The following CDX1 variants were observed in gnomAD, a reference collection of about 807,000 sequenced individuals.
CDX1 encodes homeobox protein CDX-1.
CDX1 carries 9 observed loss-of-function variants against 16.9 expected under a neutral mutation model. The observed-to-expected ratio is 0.53, with a 90% CI of 0.32 to 0.93. The LOEUF (loss-of-function observed/expected upper bound fraction) is 0.93. Among genes scored for constraint, CDX1 ranks in the 40% least tolerant of loss-of-function variants. The pLI is 0.04. For synonymous variants in CDX1, 179 were observed against 179.0 expected (o/e 1.00, Z 0.00); for missense variants, 393 against 386.1 (o/e 1.02, Z -0.15).
intron 1 of CDX1, among the ~76,000 whole-genome samples, chr5:150,179,689 TA>T (rs1326582541): frequency 6.6e-6 from 1 of 152,228 alleles, no homozygotes; most frequent in Non-Finnish European, 1.5e-5. Flanking sequence ...CCTCATGCCC[TA>T]CCTCAGGCCT....
intron 1 of CDX1, among the ~76,000 whole-genome samples, chr5:150,176,219 C>G (rs964768157): frequency 2.0e-5 from 3 of 152,240 alleles, no homozygotes; most frequent in African/African-American, 7.2e-5. Flanking sequence ...CAAGTATTAT[C>G]TGGGGTGAGA....
intron 1 of CDX1, among the ~76,000 whole-genome samples, chr5:150,172,436 T>G (rs191084035): frequency 6.6e-6 from 1 of 152,172 alleles, no homozygotes; most frequent in East Asian, 1.9e-4. Context: ...GTATACTCAT[T>G]TTATAGATCA....
At chr5:150,173,185 A>G (rs1761528810) in intron 1 of CDX1, among the ~76,000 whole-genome samples, 1 of 152,168 alleles carries the variant, frequency 6.6e-6, no homozygotes, top group Non-Finnish European at 1.5e-5. Context: ...TGGCCTCTCC[A>G]GCCCCATCTT....
chr5:150,183,700 G>A lies in CDX1; in HGVS notation c.*20G>A, dbSNP rs145345944. On this transcript the variant is annotated 3_prime_UTR_variant, in exon 3 of 3. Coordinates refer to ENST00000231656, the MANE Select transcript of CDX1 (RefSeq NM_001804.3). ...CCATAGCCCCATGCCCAGCCTGTGCGCCGGGGGACCTGGGGACTCGGGTGC... is the reference window on the plus strand; with the variant it reads ...CCATAGCCCCATGCCCAGCCTGTGCACCGGGGGACCTGGGGACTCGGGTGC... 302 of 1,515,344 alleles carry A rather than the reference G, an allele frequency of 2.0e-4. 1 individual carries two copies. The highest frequency in any genetic ancestry group is 2.1e-4 in the Non-Finnish European group (231 of 1,126,810). The allele number at this position is 1,515,344 out of a possible 1,614,324, so 93.9% of individuals were successfully genotyped here.
chr5:150,167,194 G>A lies in CDX1; in HGVS notation c.318G>A (p.Gly106=). The A allele has an allele frequency of 7.9e-7, 1 of 1,269,330 alleles. No homozygotes were observed. Among genetic ancestry groups the A allele is most frequent in the Non-Finnish European group, 9.9e-7 (1 of 1,012,840 alleles). The allele number at this position is 1,269,330 out of a possible 1,614,324, so 78.6% of individuals were successfully genotyped here. A position where few individuals can be genotyped will look rare whatever the true frequency, so the allele number is the denominator to read the frequency against. Residue 106 remains glycine, a synonymous_variant, in exon 1 of 3, where the codon GGG becomes GGA. Transcript: ENST00000231656. Reference sequence around the variant, plus strand: ...TTAGCCCGGTGCCGGCGCCCCCTGGGCCCGGCCCGGGCCTCCTGGCGCAGC... The same window carrying A: ...TTAGCCCGGTGCCGGCGCCCCCTGGACCCGGCCCGGGCCTCCTGGCGCAGC... ...PDFSPVPAPP[G]PGPGLLAQPL...
chr5:150,171,056 T>C (rs1021448510), intron 1 of CDX1, among the ~76,000 whole-genome samples: 2 of 152,136 alleles, frequency 1.3e-5, no homozygotes, highest in African/African-American at 4.8e-5. Flanking sequence ...GATGAGACTG[T>C]GGGAGCAAGG....
intron 1 of CDX1, among the ~76,000 whole-genome samples, chr5:150,175,525 C>T (rs1266816290): frequency 1.3e-5 from 2 of 152,228 alleles, no homozygotes; most frequent in African/African-American, 2.4e-5. Context: ...CTGGCCTGGC[C>T]ATTGTCCCCC....
At chr5:150,182,651 C>T in intron 1 of CDX1, 117 bp from the exon 2 acceptor site, 1 of 954,740 alleles carries the variant, frequency 1.0e-6, no homozygotes, top group East Asian at 2.7e-5. Flanking sequence ...CTCTCCCCAC[C>T]TCAGGGTCCT....
chr5:150,167,229 GC>G lies in CDX1; in HGVS notation c.356del (p.Pro119ArgfsTer80). The G allele has an allele frequency of 7.9e-7, 1 of 1,261,214 alleles. No individual in the cohort carries two copies. 78.1% of individuals were successfully genotyped at this position (1,261,214 alleles called of 1,614,324 possible). On this transcript the variant is annotated frameshift_variant, in exon 1 of 3. Coordinates refer to ENST00000231656, the MANE Select transcript of CDX1 (RefSeq NM_001804.3). LOFTEE classifies it high-confidence loss of function. The part of the protein sequence containing the change: ...GPGLLAQPLG[G>X]PGTPSSPGAQ... ...GGCCTCCTGGCGCAGCCCCTCGGGG[GC>G]CCGGGCACACCGTCCTCGCCCGGAG...
At chr5:150,181,334 C>G (rs992389448) in intron 1 of CDX1, among the ~76,000 whole-genome samples, 1 of 152,202 alleles carries the variant, frequency 6.6e-6, no homozygotes, top group Non-Finnish European at 1.5e-5. Context: ...GTGGTGTAAT[C>G]CTGGCTCACC....
At chr5:150,168,810 G>A (rs1356493691) in intron 1 of CDX1, among the ~76,000 whole-genome samples, 2 of 152,246 alleles carry the variant, frequency 1.3e-5, no homozygotes, top group Admixed American at 6.5e-5. Flanking sequence ...TGAAATTAGA[G>A]AGAAGGGAGA....
At chr5:150,176,443 G>A (rs1408934157) in intron 1 of CDX1, among the ~76,000 whole-genome samples, 4 of 152,190 alleles carry the variant, frequency 2.6e-5, no homozygotes, top group Non-Finnish European at 5.9e-5. Context: ...TCCTAGGCTG[G>A]CATCACAGAC....
chr5:150,175,973 G>C (rs1761564693), intron 1 of CDX1, among the ~76,000 whole-genome samples: 1 of 152,186 alleles, frequency 6.6e-6, no homozygotes, highest in South Asian at 2.1e-4. Flanking sequence ...CTGTTCCCCA[G>C]GCAGGGGAAG....
In CDX1 at chr5:150,166,823, G is replaced by T; in HGVS notation, c.-54G>T. On this transcript the variant is annotated 5_prime_UTR_variant, in exon 1 of 3. Transcript: ENST00000231656. ...GTGAGCGGTTGCTCGTCGTCGGGGCGGCCGGCAGCGGCGGCTCCAGGGCCC... is the reference window on the plus strand; with the variant it reads ...GTGAGCGGTTGCTCGTCGTCGGGGCTGCCGGCAGCGGCGGCTCCAGGGCCC... 7.8e-7 allele frequency: 1 copy of T among 1,283,868 alleles called. No individual in the cohort carries two copies. Among genetic ancestry groups the T allele is most frequent in the Non-Finnish European group, 1.0e-6 (1 of 984,030 alleles). The allele number at this position is 1,283,868 out of a possible 1,614,324, so 79.5% of individuals were successfully genotyped here. A position where few individuals can be genotyped will look rare whatever the true frequency, so the allele number is the denominator to read the frequency against.
intron 1 of CDX1, among the ~76,000 whole-genome samples, chr5:150,180,126 G>C (rs944157159): frequency 6.6e-6 from 1 of 152,254 alleles, no homozygotes; most frequent in African/African-American, 2.4e-5. Context: ...ACCGCTTCCA[G>C]CTTTAGCCCA....
Position 150,182,863 on chromosome 5 carries a change from A to G in CDX1, c.541A>G (p.Ile181Val). Residue 181 changes from isoleucine to valine, a missense_variant, in exon 2 of 3, where the codon ATC becomes GTC. Transcript: ENST00000231656. ...KEFHYSRYITIRRKSELAANL... is the reference protein window; with the variant it reads ...KEFHYSRYITVRRKSELAANL... ...GTTTCATTACAGCCGTTACATCACAATCCGGCGGAAATCAGAGCTGGCTGC... is the reference window on the plus strand; with the variant it reads ...GTTTCATTACAGCCGTTACATCACAGTCCGGCGGAAATCAGAGCTGGCTGC... 3 of 1,613,466 alleles carry G rather than the reference A, an allele frequency of 1.9e-6. No homozygotes were observed. Among genetic ancestry groups the G allele is most frequent in the East Asian group, 2.2e-5 (1 of 44,814 alleles).
At chr5:150,180,895 G>T (rs889153470) in intron 1 of CDX1, among the ~76,000 whole-genome samples, 1 of 152,120 alleles carries the variant, frequency 6.6e-6, no homozygotes, top group Non-Finnish European at 1.5e-5. Context: ...TGGGCCCCAG[G>T]CTGAGCCTCA....
chr5:150,171,930 C>T (rs957137717), intron 1 of CDX1, among the ~76,000 whole-genome samples: 5 of 152,224 alleles, frequency 3.3e-5, no homozygotes, highest in Non-Finnish European at 5.9e-5. Flanking sequence ...ACCGCCCTGC[C>T]GCTGGCACAC....
chr5:150,166,818 G>T lies in CDX1; in HGVS notation c.-59G>T, dbSNP rs771985014. The T allele has an allele frequency of 4.8e-6, 6 of 1,251,496 alleles. No individual in the cohort carries two copies. Among genetic ancestry groups the T allele is most frequent in the African/African-American group, 1.6e-5 (1 of 62,302 alleles). 77.5% of individuals were successfully genotyped at this position (1,251,496 alleles called of 1,614,324 possible). A position where few individuals can be genotyped will look rare whatever the true frequency, so the allele number is the denominator to read the frequency against. ...TTCAGGTGAGCGGTTGCTCGTCGTC[G>T]GGGCGGCCGGCAGCGGCGGCTCCAG... On this transcript the variant is annotated 5_prime_UTR_variant, in exon 1 of 3. Coordinates refer to ENST00000231656, the MANE Select transcript of CDX1 (RefSeq NM_001804.3).
Sources: allele counts gnomAD v4.1 joint callset (sites outside exome capture counted in the v4.1 genomes callset), GRCh38; gene constraint gnomAD v4.1.1; transcripts MANE v1.5; gene names NCBI Gene and HGNC (gene_info 2026-07-23, HGNC 2026-07-21).